Variants in CEBPZOS observed in about 807,000 individuals in gnomAD.
CEBPZOS encodes CEBPZ opposite strand, also known as protein CEBPZOS.
In CEBPZOS, 10 loss-of-function variants were observed where a neutral mutation model predicts 4.8. The ratio of observed to expected loss-of-function variants is 2.07; its 90% CI spans 1.28 to 3.52. The LOEUF (loss-of-function observed/expected upper bound fraction) is 3.52, where lower values mean the gene tolerates loss of function less well. Ranked by LOEUF, CEBPZOS falls within the 30% of genes most tolerant of loss-of-function variation. CEBPZOS has a pLI of 0.00. For missense variants in CEBPZOS, 98 were observed against 43.6 expected, an observed-to-expected ratio of 2.25 and a Z score of -3.51; for synonymous variants, 25 against 14.2, an observed-to-expected ratio of 1.77 and a Z score of -1.72.
chr2:37,201,067 C>G lies in CEBPZOS; in HGVS notation c.135C>G (p.Ser45Arg). ...CATCAGATTTCAGGCAAACAATGAG[C>G]AAGAAATATCCCTTCATCTTGGAAG... Reference protein sequence around the residue: ...HTSQDFRQTMSKKYPFILEVY... With the variant: ...HTSQDFRQTMRKKYPFILEVY... Residue 45 changes from serine to arginine, a missense_variant, in exon 3 of 5, where the codon AGC becomes AGG. Coordinates refer to ENST00000402297, the MANE Select transcript of CEBPZOS (RefSeq NM_001322374.2). The G allele has an allele frequency of 1.4e-6, 1 of 716,368 alleles. No individual in the cohort carries two copies. The highest frequency in any genetic ancestry group is 2.6e-6 in the Non-Finnish European group (1 of 384,770). The allele number at this position is 716,368 out of a possible 1,614,324, so 44.4% of individuals were successfully genotyped here.
downstream of CEBPZOS, chr2:37,216,120 T>C (rs1677860293): frequency 1.3e-6 from 2 of 1,559,322 alleles, no homozygotes; most frequent in Admixed American, 1.8e-5. Context: ...CAGTTTCAAC[T>C]GTCTAAGGTT....
chr2:37,212,188 T>C lies in CEBPZOS; in HGVS notation c.*3-1249T>C, dbSNP rs1445971822. 6 of 977,752 alleles carry C rather than the reference T, an allele frequency of 6.1e-6. No homozygotes were observed. In the East Asian group the frequency reaches 7.2e-5, roughly 12 times the overall value. 60.6% of individuals were successfully genotyped at this position (977,752 alleles called of 1,614,324 possible). ...AGTAAATAATAACGTGCTTTATAAATGTCAAAGATGAAAGTACTGTATCCA... is the reference window on the plus strand; with the variant it reads ...AGTAAATAATAACGTGCTTTATAAACGTCAAAGATGAAAGTACTGTATCCA... On this transcript the variant is annotated intron_variant, in intron 4 of 4. Transcript: ENST00000397064.
chr2:37,213,546 G>A (rs542128867), exon 5 of CEBPZOS: 12 of 183,866 alleles, frequency 6.5e-5, no homozygotes, highest in Non-Finnish European at 1.0e-4. Flanking sequence ...CGAGTAGCTG[G>A]GACTACAGGT....
At chr2:37,206,375 T>C (rs1168069464), downstream of CEBPZOS, among the ~76,000 whole-genome samples, 1 of 152,264 alleles carries the variant, frequency 6.6e-6, no homozygotes, top group Non-Finnish European at 1.5e-5. Context: ...TTTCTTTTTT[T>C]GAGATGGAAT....
downstream of CEBPZOS, among the ~76,000 whole-genome samples, chr2:37,207,687 T>C (rs1190605548): frequency 3.3e-5 from 5 of 152,118 alleles, no homozygotes; most frequent in South Asian, 2.1e-4. Flanking sequence ...ATTAAATGTC[T>C]ACATCAAAAA....
chr2:37,215,195 CGT>C (rs3841525), downstream of CEBPZOS: 77,451 of 323,622 alleles, frequency 0.24, 10,956 homozygotes, highest in East Asian at 0.54. Context: ...CTGTCAGTGC[CGT>C]TACAGTGAAA....
At chr2:37,214,833 AAAAATT>A, downstream of CEBPZOS, 1 of 1,152,940 alleles carries the variant, frequency 8.7e-7, no homozygotes, top group Non-Finnish European at 1.3e-6. Context: ...TATGAAATCT[AAAAATT>A]TAAATTTTAG....
downstream of CEBPZOS, among the ~76,000 whole-genome samples, chr2:37,206,677 C>T (rs1033687034): frequency 6.6e-6 from 1 of 152,098 alleles, no homozygotes; most frequent in African/African-American, 2.4e-5. Context: ...AATCTTGAAA[C>T]AAAACCTTGA....
At chr2:37,206,127 G>A (rs1677531380), downstream of CEBPZOS, among the ~76,000 whole-genome samples, 1 of 152,162 alleles carries the variant, frequency 6.6e-6, no homozygotes, top group Non-Finnish European at 1.5e-5. Context: ...AAAACAAAGA[G>A]GCAAACATGT....
chr2:37,197,310 C>T (rs556298399), intron 1 of CEBPZOS: 1 of 152,224 alleles, frequency 6.6e-6, no homozygotes, highest in Admixed American at 6.5e-5. Context: ...CCTCCTGAAG[C>T]CGAGAGCCTC....
downstream of CEBPZOS, chr2:37,213,979 T>C (rs1572500846): frequency 5.2e-6 from 7 of 1,350,876 alleles, no homozygotes; most frequent in South Asian, 1.4e-5. Context: ...ATTCATGTTA[T>C]ATATTTGACA....
At chr2:37,205,464 C>G (rs1677505031), downstream of CEBPZOS, among the ~76,000 whole-genome samples, 2 of 152,164 alleles carry the variant, frequency 1.3e-5, no homozygotes, top group Admixed American at 1.3e-4. Flanking sequence ...AGAACAACCC[C>G]CTTTGACTGC....
At chr2:37,213,000 T>C (rs536893644) in intron 4 of CEBPZOS, among the ~76,000 whole-genome samples, 155 of 152,060 alleles carry the variant, frequency 1.0e-3, no homozygotes, top group Non-Finnish European at 1.9e-3. Context: ...TGAGTTGGGA[T>C]TGTGCCACTG....
chr2:37,207,361 C>G (rs1677574329), downstream of CEBPZOS, among the ~76,000 whole-genome samples: 1 of 152,128 alleles, frequency 6.6e-6, no homozygotes, highest in Non-Finnish European at 1.5e-5. Flanking sequence ...ATTATTTTCA[C>G]CAGCACACGG....
intron 1 of CEBPZOS, among the ~76,000 whole-genome samples, chr2:37,198,171 T>TAA (rs145078498): frequency 4.7e-5 from 7 of 147,666 alleles, no homozygotes; most frequent in South Asian, 4.3e-4. Context: ...AAAAATAAAA[T>TAA]AAAAAAAAAA....
At chr2:37,204,901 A>C (rs1314656436), downstream of CEBPZOS, among the ~76,000 whole-genome samples, 1 of 152,180 alleles carries the variant, frequency 6.6e-6, no homozygotes, top group Non-Finnish European at 1.5e-5. Flanking sequence ...AACATTAAAA[A>C]ATTTTTTTCT....
intron 2 of CEBPZOS, 33 bp from the exon 3 acceptor site, chr2:37,201,015 T>C (rs183754125): frequency 1.4e-6 from 1 of 714,508 alleles, no homozygotes; most frequent in East Asian, 2.7e-5. Context: ...TTTCTGTTCA[T>C]ATCTAATTTC....
At chr2:37,211,217 A>G (rs1015177145) in intron 4 of CEBPZOS, 46 of 542,954 alleles carry the variant, frequency 8.5e-5, no homozygotes, top group Non-Finnish European at 1.3e-4. Context: ...TTGTAATTCC[A>G]CTAGCATAGG....
chr2:37,202,487 A>T lies in CEBPZOS; in HGVS notation c.*627A>T, dbSNP rs1572486252. On this transcript the variant is annotated 3_prime_UTR_variant, in exon 5 of 5. Transcript: ENST00000402297. ...TGGTGAAACCCTGTTTCTACTAAAA[A>T]TACAAAAATTAGCTGGGCGTGGTGG... 1 of 207,912 alleles carries T rather than the reference A, an allele frequency of 4.8e-6. No homozygotes were observed. Among genetic ancestry groups the T allele is most frequent in the African/African-American group, 2.3e-5 (1 of 42,822 alleles). 12.9% of individuals were successfully genotyped at this position (207,912 alleles called of 1,614,324 possible).
Sources: gnomAD v4.1 joint callset for allele counts (sites outside exome capture counted in the v4.1 genomes callset) on GRCh38, gnomAD v4.1.1 for gene constraint, MANE v1.5 for transcripts, NCBI Gene and HGNC (gene_info 2026-07-23, HGNC 2026-07-21) for gene names.